CDH6: variants seen among roughly 807,000 people sequenced by gnomAD.
CDH6 encodes cadherin 6.
Under a neutral mutation model 78.0 loss-of-function variants are expected in CDH6, and 31 were observed. The ratio of observed to expected loss-of-function variants is 0.40; its 90% CI spans 0.30 to 0.54. CDH6 has a LOEUF of 0.54. CDH6 is among the 20% of genes least tolerant of loss of function. The pLI is 0.56. For synonymous variants in CDH6, 376 were observed against 368.8 expected, an observed-to-expected ratio of 1.02 and a Z score of -0.23; for missense variants, 724 against 975.9, an observed-to-expected ratio of 0.74 and a Z score of 3.44.
At position 31,279,232 on chromosome 5, in the gene CDH6, A is replaced by G. The variant is rs569475680; in HGVS notation, c.228+11531A>G. Among the ~76,000 whole-genome samples, 3 of 152,276 alleles carry G rather than the reference A, an allele frequency of 2.0e-5. No individual in the cohort carries two copies. The East Asian group carries it at 5.8e-4, about 29-fold the overall frequency. Reference sequence around the variant, plus strand: ...CATATTGTGTATGTTATATTTTTATATACTGTACTCTTAAAGTAAGCTAGA... The same window carrying G: ...CATATTGTGTATGTTATATTTTTATGTACTGTACTCTTAAAGTAAGCTAGA... On this transcript the variant is annotated intron_variant, in intron 2 of 11. Transcript: ENST00000265071.
At chr5:31,207,697 A>C (rs1400367882) in intron 1 of CDH6, among the ~76,000 whole-genome samples, 1 of 152,234 alleles carries the variant, frequency 6.6e-6, no homozygotes, top group Non-Finnish European at 1.5e-5. Context: ...GAACAAAAGG[A>C]GAGAACTCAT....
At chr5:31,261,102 G>A (rs919460838) in intron 1 of CDH6, among the ~76,000 whole-genome samples, 4 of 152,000 alleles carry the variant, frequency 2.6e-5, no homozygotes, top group African/African-American at 9.7e-5. Flanking sequence ...TTTTTAAGAT[G>A]TACTTGTAGG....
At chr5:31,222,569 G>A (rs1031042780) in intron 1 of CDH6, among the ~76,000 whole-genome samples, 2 of 151,840 alleles carry the variant, frequency 1.3e-5, no homozygotes, top group African/African-American at 2.4e-5. Context: ...TCATCTCCTG[G>A]GTGCCAAGTT....
intron 11 of CDH6, among the ~76,000 whole-genome samples, chr5:31,320,072 AG>A (rs1738437967): frequency 6.6e-6 from 1 of 152,186 alleles, no homozygotes; most frequent in African/African-American, 2.4e-5. Flanking sequence ...TGGCTTCAAA[AG>A]GGTAAGGGAA....
chr5:31,201,212 A>G (rs1182931280), intron 1 of CDH6, among the ~76,000 whole-genome samples: 1 of 152,190 alleles, frequency 6.6e-6, no homozygotes, highest in Non-Finnish European at 1.5e-5. Context: ...AGGCTTCTTT[A>G]AGAATTTTGT....
intron 2 of CDH6, among the ~76,000 whole-genome samples, chr5:31,277,544 C>T (rs1742732108): frequency 6.6e-6 from 1 of 152,122 alleles, no homozygotes. Context: ...GAATGTTTCA[C>T]CTTTTTAAGA....
intron 7 of CDH6, among the ~76,000 whole-genome samples, chr5:31,308,009 A>G (rs867093079): frequency 1.8e-4 from 27 of 152,306 alleles, no homozygotes; most frequent in African/African-American, 6.3e-4. Flanking sequence ...AAATACTTAT[A>G]GATATATTGG....
intron 2 of CDH6, among the ~76,000 whole-genome samples, chr5:31,292,271 A>T (rs1355158477): frequency 6.6e-6 from 1 of 152,206 alleles, no homozygotes; most frequent in Non-Finnish European, 1.5e-5. Context: ...GACAGGGAAA[A>T]CTAAATTACA....
chr5:31,228,948 A>G (rs1021903204), intron 1 of CDH6, among the ~76,000 whole-genome samples: 7 of 152,218 alleles, frequency 4.6e-5, no homozygotes, highest in Non-Finnish European at 1.5e-5. Flanking sequence ...AAAATAATGC[A>G]TCTCTCATAG....
Position 31,323,219 on chromosome 5 carries a change from C to T in CDH6, c.2284C>T (p.Gln762Ter), listed in dbSNP as rs752311105. 6.2e-7 allele frequency: 1 copy of T among 1,614,152 alleles called. No homozygotes were observed. Among genetic ancestry groups the T allele is most frequent in the Admixed American group, 1.7e-5 (1 of 60,022 alleles). ...SLESVTTDAD[Q>*]DYDYLSDWGP... ...GGAGTCAGTGACCACGGATGCAGAT[C>T]AAGACTATGATTACCTTAGTGACTG... Residue 762 changes from glutamine (Q) to a stop codon, truncating the protein, a stop_gained, in exon 12 of 12, where the codon CAA (glutamine) becomes TAA (stop). Coordinates refer to ENST00000265071, the MANE Select transcript of CDH6 (RefSeq NM_004932.4). LOFTEE classifies it high-confidence loss of function.
chr5:31,246,699 T>C (rs988890576), intron 1 of CDH6, among the ~76,000 whole-genome samples: 3 of 152,336 alleles, frequency 2.0e-5, no homozygotes, highest in African/African-American at 7.2e-5. Flanking sequence ...AAAATGTGCA[T>C]AGGTGTTTAA....
At chr5:31,291,442 G>A (rs1743160572) in intron 2 of CDH6, among the ~76,000 whole-genome samples, 1 of 152,186 alleles carries the variant, frequency 6.6e-6, no homozygotes, top group Admixed American at 6.5e-5. Context: ...TGTACTATTT[G>A]CATGTGGTCT....
intron 1 of CDH6, among the ~76,000 whole-genome samples, chr5:31,235,219 C>G (rs916573755): frequency 7.6e-6 from 1 of 131,086 alleles, no homozygotes; most frequent in Non-Finnish European, 1.6e-5. Flanking sequence ...ATAATTTCAT[C>G]TTTTCTATTC....
At chr5:31,210,154 A>G (rs557459677) in intron 1 of CDH6, among the ~76,000 whole-genome samples, 26 of 151,680 alleles carry the variant, frequency 1.7e-4, no homozygotes, top group African/African-American at 6.3e-4. Flanking sequence ...TCTGTTTGGA[A>G]GAAAGAAAAG....
intron 1 of CDH6, among the ~76,000 whole-genome samples, chr5:31,263,158 G>T (rs574891464): frequency 3.9e-5 from 6 of 152,124 alleles, no homozygotes; most frequent in African/African-American, 1.4e-4. Flanking sequence ...CAAGGTCGAG[G>T]TGCCACATCT....
intron 1 of CDH6, among the ~76,000 whole-genome samples, chr5:31,256,289 C>G (rs1031174458): frequency 1.3e-5 from 2 of 152,014 alleles, no homozygotes; most frequent in Non-Finnish European, 2.9e-5. Context: ...CTCAAATGAT[C>G]TTTTTTAATT....
chr5:31,220,699 A>G (rs113417692), intron 1 of CDH6, among the ~76,000 whole-genome samples: 4 of 152,220 alleles, frequency 2.6e-5, no homozygotes, highest in Non-Finnish European at 4.4e-5. Flanking sequence ...GTAGCAAATC[A>G]CTGAGGGGGC....
At chr5:31,289,334 G>A (rs1423145283) in intron 2 of CDH6, among the ~76,000 whole-genome samples, 2 of 152,166 alleles carry the variant, frequency 1.3e-5, no homozygotes, top group African/African-American at 4.8e-5. Flanking sequence ...GTATTCTGGG[G>A]TGTATATGTA....
At chr5:31,276,384 T>C (rs1448622007) in intron 2 of CDH6, among the ~76,000 whole-genome samples, 3 of 152,200 alleles carry the variant, frequency 2.0e-5, no homozygotes, top group Non-Finnish European at 4.4e-5. Context: ...TCTTCCAGTT[T>C]TTTATTCACA....
Sources: allele counts gnomAD v4.1 joint callset (sites outside exome capture counted in the v4.1 genomes callset), GRCh38; gene constraint gnomAD v4.1.1; transcripts MANE v1.5; gene names NCBI Gene and HGNC (gene_info 2026-07-23, HGNC 2026-07-21).